The following PIK3AP1 variants were observed in gnomAD, a reference collection of about 807,000 sequenced individuals.
The protein encoded by PIK3AP1 is phosphoinositide 3-kinase adapter protein 1.
PIK3AP1 carries 21 observed loss-of-function variants against 88.1 expected under a neutral mutation model. The observed-to-expected ratio is 0.24, with a 90% CI of 0.17 to 0.34. The LOEUF is 0.34. Ranked by LOEUF, PIK3AP1 falls within the 10% of genes least tolerant of loss-of-function variation. The pLI, the probability that PIK3AP1 is intolerant of heterozygous loss-of-function variation, is 1.00. For synonymous variants in PIK3AP1, 398 were observed against 400.0 expected (o/e 1.00, Z 0.06); for missense variants, 828 against 1,035.7 (o/e 0.80, Z 2.75).
chr10:96,609,344 C>T (rs1849062560), intron 14 of PIK3AP1, among the ~76,000 whole-genome samples: 1 of 152,216 alleles, frequency 6.6e-6, no homozygotes, highest in African/African-American at 2.4e-5. Flanking sequence ...AGCACTAAGC[C>T]TCTTGCTTCC....
chr10:96,715,684 A>T (rs1844492294), intron 1 of PIK3AP1, among the ~76,000 whole-genome samples: 1 of 152,112 alleles, frequency 6.6e-6, no homozygotes, highest in Non-Finnish European at 1.5e-5. Flanking sequence ...AGGTCAGGAG[A>T]TCGAGACCAT....
chr10:96,662,436 T>C (rs1251781514), intron 2 of PIK3AP1, among the ~76,000 whole-genome samples: 1 of 151,268 alleles, frequency 6.6e-6, no homozygotes, highest in Non-Finnish European at 1.5e-5. Context: ...ACCCTATCTC[T>C]ACTAAAAATA....
chr10:96,682,013 T>C (rs7087866), intron 2 of PIK3AP1, among the ~76,000 whole-genome samples: 3 of 108,500 alleles, frequency 2.8e-5, no homozygotes, highest in South Asian at 6.3e-4. Context: ...TATATATATA[T>C]AGAGAGAGAG....
chr10:96,691,967 T>C (rs544092334), intron 2 of PIK3AP1, among the ~76,000 whole-genome samples: 4 of 152,368 alleles, frequency 2.6e-5, no homozygotes, highest in African/African-American at 7.2e-5. Context: ...CTCTCCCAGA[T>C]TTAAGATTTC....
intron 2 of PIK3AP1, among the ~76,000 whole-genome samples, chr10:96,678,967 C>G (rs2134261396): frequency 6.6e-6 from 1 of 152,328 alleles, no homozygotes; most frequent in Middle Eastern, 3.4e-3. Flanking sequence ...CCTCCCCCAC[C>G]TCCACATTCA....
At chr10:96,678,068 A>G (rs1843949644) in intron 2 of PIK3AP1, among the ~76,000 whole-genome samples, 2 of 151,996 alleles carry the variant, frequency 1.3e-5, no homozygotes, top group Non-Finnish European at 2.9e-5. Flanking sequence ...GGCTCAAATG[A>G]TCCTCCTACC....
intron 14 of PIK3AP1, among the ~76,000 whole-genome samples, chr10:96,605,190 T>C (rs1388608955): frequency 1.3e-5 from 2 of 152,114 alleles, no homozygotes; most frequent in East Asian, 1.9e-4. Flanking sequence ...ATGGTCAGAA[T>C]TGTGACTGTG....
intron 8 of PIK3AP1, among the ~76,000 whole-genome samples, chr10:96,638,504 C>T (rs1327590705): frequency 6.8e-6 from 1 of 146,044 alleles, no homozygotes; most frequent in African/African-American, 2.5e-5. Flanking sequence ...ACACGAATAG[C>T]AGTGTAAAAT....
At chr10:96,598,892 C>T (rs1246144175) in intron 16 of PIK3AP1, among the ~76,000 whole-genome samples, 4 of 152,180 alleles carry the variant, frequency 2.6e-5, no homozygotes, top group Admixed American at 1.3e-4. Context: ...GGCAGATCAT[C>T]GGTGAATACA....
chr10:96,708,505 G>A (rs1230292948), intron 2 of PIK3AP1, among the ~76,000 whole-genome samples: 2 of 148,302 alleles, frequency 1.3e-5, no homozygotes, highest in African/African-American at 2.5e-5. Context: ...AATCCAGGAG[G>A]TGGAGGTTGC....
intron 8 of PIK3AP1, among the ~76,000 whole-genome samples, chr10:96,630,672 T>TG (rs1258438722): frequency 1.4e-5 from 2 of 142,954 alleles, no homozygotes; most frequent in Non-Finnish European, 3.1e-5. Context: ...CTGTCTCTAT[T>TG]AAAAAAAAAA....
chr10:96,669,237 C>T (rs919117964), intron 2 of PIK3AP1, among the ~76,000 whole-genome samples: 3 of 152,202 alleles, frequency 2.0e-5, no homozygotes. Context: ...TGAAATTTCT[C>T]AGCTGTTACG....
chr10:96,700,010 C>A (rs369858031), intron 2 of PIK3AP1, among the ~76,000 whole-genome samples: 2 of 152,066 alleles, frequency 1.3e-5, no homozygotes, highest in Non-Finnish European at 2.9e-5. Flanking sequence ...AGAAATTGAC[C>A]GATAAAATTC....
At chr10:96,614,749 G>A (rs1849186008) in intron 13 of PIK3AP1, among the ~76,000 whole-genome samples, 2 of 152,216 alleles carry the variant, frequency 1.3e-5, no homozygotes, top group South Asian at 4.1e-4. Flanking sequence ...CTTGTTAAGT[G>A]TGGAATGAAT....
intron 12 of PIK3AP1, among the ~76,000 whole-genome samples, chr10:96,617,181 A>T (rs1329671430): frequency 6.6e-6 from 1 of 151,818 alleles, no homozygotes; most frequent in Non-Finnish European, 1.5e-5. Context: ...ATGTGTGCAC[A>T]CTCTTGTGCC....
chr10:96,628,321 T>C, intron 9 of PIK3AP1, 77 bp downstream of exon 9: 1 of 1,271,624 alleles, frequency 7.9e-7, no homozygotes, highest in Non-Finnish European at 1.2e-6. Context: ...GGAGCAACCC[T>C]CATAGAGAAC....
At chr10:96,685,306 G>T (rs1006665885) in intron 2 of PIK3AP1, among the ~76,000 whole-genome samples, 3 of 152,188 alleles carry the variant, frequency 2.0e-5, no homozygotes, top group African/African-American at 7.2e-5. Flanking sequence ...TAGGCAAAGA[G>T]AGAGCACCTC....
chr10:96,685,896 C>T (rs950897878), intron 2 of PIK3AP1, among the ~76,000 whole-genome samples: 6 of 152,200 alleles, frequency 3.9e-5, no homozygotes, highest in African/African-American at 1.4e-4. Context: ...CTAATGCCCA[C>T]ACACTGGCTG....
At chr10:96,653,708 G>A (rs1388002506) in intron 3 of PIK3AP1, among the ~76,000 whole-genome samples, 2 of 151,942 alleles carry the variant, frequency 1.3e-5, no homozygotes, top group South Asian at 2.1e-4. Context: ...GGCTGGTCTC[G>A]AACTCCTGAC....
Sources: gnomAD v4.1 joint callset for allele counts (sites outside exome capture counted in the v4.1 genomes callset) on GRCh38, gnomAD v4.1.1 for gene constraint, MANE v1.5 for transcripts, NCBI Gene and HGNC (gene_info 2026-07-23, HGNC 2026-07-21) for gene names.